The following SPATS2L variants were observed in gnomAD, a reference collection of about 807,000 sequenced individuals.
SPATS2L encodes the protein SPATS2-like protein.
Under a neutral mutation model 59.6 loss-of-function variants are expected in SPATS2L, and 30 were observed. That is an observed-to-expected ratio of 0.50 (90% CI 0.38 to 0.68). The LOEUF is 0.68. Ranked by LOEUF, SPATS2L falls within the 30% of genes least tolerant of loss-of-function variation. The pLI is 0.00. For synonymous variants in SPATS2L, 252 were observed against 263.5 expected, an observed-to-expected ratio of 0.96 and a Z score of 0.42; for missense variants, 615 against 700.0, an observed-to-expected ratio of 0.88 and a Z score of 1.37.
At chr2:200,400,948 A>G (rs569138895) in intron 3 of SPATS2L, among the ~76,000 whole-genome samples, 1 of 152,346 alleles carries the variant, frequency 6.6e-6, no homozygotes, top group East Asian at 1.9e-4. Flanking sequence ...CAACAATAGT[A>G]TCTTCCCCCA....
At chr2:200,321,522 G>A (rs947064196) in intron 1 of SPATS2L, among the ~76,000 whole-genome samples, 1 of 151,698 alleles carries the variant, frequency 6.6e-6, no homozygotes, top group Non-Finnish European at 1.5e-5. Context: ...TAAATTATAG[G>A]GTAAAAATTT....
intron 2 of SPATS2L, among the ~76,000 whole-genome samples, chr2:200,374,408 C>G (rs2081531901): frequency 6.6e-6 from 1 of 152,170 alleles, no homozygotes; most frequent in African/African-American, 2.4e-5. Context: ...TAAACTAAAG[C>G]CATCTCATCC....
chr2:200,425,283 C>G (rs1039084428), intron 6 of SPATS2L, among the ~76,000 whole-genome samples: 1 of 152,112 alleles, frequency 6.6e-6, no homozygotes, highest in African/African-American at 2.4e-5. Context: ...AAGATTACCT[C>G]CCCTGCTTCT....
intron 11 of SPATS2L, among the ~76,000 whole-genome samples, chr2:200,471,172 T>G (rs1199793018): frequency 6.6e-6 from 1 of 152,002 alleles, no homozygotes; most frequent in East Asian, 1.9e-4. Context: ...TCTCAAAAAA[T>G]TAATTAATTA....
chr2:200,363,673 A>G (rs1450602873), intron 2 of SPATS2L, among the ~76,000 whole-genome samples: 2 of 152,256 alleles, frequency 1.3e-5, no homozygotes, highest in African/African-American at 4.8e-5. Flanking sequence ...AATATGTTTC[A>G]TAGCTGGTCA....
At chr2:200,336,408 A>T (rs4673948) in intron 2 of SPATS2L, among the ~76,000 whole-genome samples, 95,263 of 151,602 alleles carry the variant, frequency 0.63, 33,767 homozygotes, top group South Asian at 0.88. Context: ...ATATGAATTT[A>T]AAAAAAAAGA....
Position 200,412,317 on chromosome 2 carries a change from G to A in SPATS2L, c.46G>A (p.Ala16Thr), listed in dbSNP as rs1167738512. The A allele has an allele frequency of 1.3e-6, 2 of 1,521,260 alleles. No individual in the cohort carries two copies. The highest frequency in any genetic ancestry group is 1.8e-5 in the Admixed American group (1 of 54,266). 94.2% of individuals were successfully genotyped at this position (1,521,260 alleles called of 1,614,324 possible). ...THVNVKEKIYAVRSVVPNKSN... is the reference protein window; with the variant it reads ...THVNVKEKIYTVRSVVPNKSN... ...TTTTTTTTTTCCTTTACAGATCTAT[G>A]CAGTTAGATCAGTTGTTCCCAACAA... The change falls in exon 4 of 13, where the codon GCA becomes ACA. Residue 16 changes from alanine (A) to threonine (T), a missense_variant. Ala to Thr is a moderately conservative substitution (Grantham distance 58, BLOSUM62 0). Transcript: ENST00000409140.
intron 2 of SPATS2L, among the ~76,000 whole-genome samples, chr2:200,379,949 T>A (rs1472638304): frequency 6.6e-6 from 1 of 152,128 alleles, no homozygotes; most frequent in Non-Finnish European, 1.5e-5. Flanking sequence ...CCCACATCTC[T>A]ATGGAAACAC....
At position 200,477,650 on chromosome 2, in the gene SPATS2L, C is replaced by T. The variant is rs1320440002; in HGVS notation, c.1296C>T (p.Asn432=). ...MPANKQNGSS[N]QRRRFNPQYH... is the part of the protein sequence containing the mutation. ...TTTTTTGGTAGAATGGATCTTCTAA[C>T]CAAAGACGGAGATTTAATCCACAGT... is the stretch of plus-strand genomic sequence containing the variant. The change falls in exon 13 of 13, where the codon AAC becomes AAT. Residue 432 remains asparagine, a synonymous_variant. Coordinates refer to ENST00000409140, the MANE Select transcript of SPATS2L (RefSeq NM_001100423.2). 14 of 1,547,866 alleles carry T rather than the reference C, an allele frequency of 9.0e-6. No individual in the cohort carries two copies. Among genetic ancestry groups the T allele is most frequent in the Non-Finnish European group, 1.0e-5 (12 of 1,146,100 alleles).
chr2:200,467,428 C>G, intron 10 of SPATS2L, 29 bp downstream of exon 10: 10 of 1,505,374 alleles, frequency 6.6e-6, no homozygotes, highest in Non-Finnish European at 9.2e-6. Flanking sequence ...CAGCCTGAAC[C>G]CTGAGCCAGA....
At chr2:200,331,543 G>A (rs544578852) in intron 2 of SPATS2L, among the ~76,000 whole-genome samples, 1 of 152,288 alleles carries the variant, frequency 6.6e-6, no homozygotes, top group Non-Finnish European at 1.5e-5. Flanking sequence ...CTAACATTCT[G>A]CAAGGTAGTG....
intron 3 of SPATS2L, among the ~76,000 whole-genome samples, chr2:200,394,073 A>G (rs986073509): frequency 6.6e-6 from 1 of 152,244 alleles, no homozygotes; most frequent in Non-Finnish European, 1.5e-5. Context: ...TGAAACTTAA[A>G]ATTGACAATC....
At chr2:200,316,045 AG>A (rs1199480072) in intron 1 of SPATS2L, among the ~76,000 whole-genome samples, 1 of 150,358 alleles carries the variant, frequency 6.7e-6, no homozygotes, top group Non-Finnish European at 1.5e-5. Flanking sequence ...AAAAAAAAAA[AG>A]AGATATGCAG....
At chr2:200,404,014 G>T (rs565728872) in intron 3 of SPATS2L, among the ~76,000 whole-genome samples, 1 of 152,028 alleles carries the variant, frequency 6.6e-6, no homozygotes, top group South Asian at 2.1e-4. Flanking sequence ...TCCTTTCTCT[G>T]AATTCTTAGA....
chr2:200,312,235 T>C (rs2079215259), intron 1 of SPATS2L, among the ~76,000 whole-genome samples: 1 of 152,168 alleles, frequency 6.6e-6, no homozygotes, highest in Non-Finnish European at 1.5e-5. Context: ...ATTATGGAAA[T>C]GCCACTGAAG....
At chr2:200,443,561 C>T (rs562432412) in intron 8 of SPATS2L, among the ~76,000 whole-genome samples, 5 of 152,264 alleles carry the variant, frequency 3.3e-5, no homozygotes, top group Admixed American at 2.6e-4. Flanking sequence ...GTATACCTTC[C>T]GTTTCCAGTT....
chr2:200,347,266 A>C (rs2080545381), intron 2 of SPATS2L, among the ~76,000 whole-genome samples: 1 of 152,134 alleles, frequency 6.6e-6, no homozygotes, highest in African/African-American at 2.4e-5. Flanking sequence ...GTCCCCAGCC[A>C]AAAGACTGCA....
rs115605238 is a variant in SPATS2L, at chr2:200,335,971, T to A, written c.-23+6491T>A. Among the ~76,000 whole-genome samples the A allele has an allele frequency of 3.6e-3, 549 of 152,324 alleles. 5 individuals carry two copies. The highest frequency in any genetic ancestry group is 0.013 in the African/African-American group (529 of 41,576). On this transcript the variant is annotated intron_variant, in intron 2 of 12. Coordinates refer to ENST00000409140, the MANE Select transcript of SPATS2L (RefSeq NM_001100423.2). The stretch of plus-strand genomic sequence containing the variant: ...TCCTAGTGGCTTCCCCACTGTTCCA[T>A]CTGTCTTTGTTATATTGTGAAATAT...
chr2:200,363,456 G>A (rs2081174510), intron 2 of SPATS2L, among the ~76,000 whole-genome samples: 1 of 152,178 alleles, frequency 6.6e-6, no homozygotes, highest in African/African-American at 2.4e-5. Flanking sequence ...GATTTTGACA[G>A]TCACACTGAT....
Sources: allele counts gnomAD v4.1 joint callset (sites outside exome capture counted in the v4.1 genomes callset), GRCh38; gene constraint gnomAD v4.1.1; transcripts MANE v1.5; gene names NCBI Gene and HGNC (gene_info 2026-07-23, HGNC 2026-07-21).